SLC44A5: variants seen among roughly 807,000 people sequenced by gnomAD.
SLC44A5 encodes the protein choline transporter-like protein 5.
In SLC44A5, 57 loss-of-function variants were observed where a neutral mutation model predicts 101.8. That is an observed-to-expected ratio of 0.56 (90% CI 0.45 to 0.70). The LOEUF is 0.70. Ranked by LOEUF, SLC44A5 falls within the 30% of genes least tolerant of loss-of-function variation. SLC44A5 has a pLI of 0.00. For synonymous variants in SLC44A5, 281 were observed against 290.9 expected (o/e 0.97, Z 0.35); for missense variants, 737 against 853.1 (o/e 0.86, Z 1.70).
the SLC44A5 span, among the ~76,000 whole-genome samples, chr1:75,684,959 C>T: frequency 6.6e-6 from 1 of 152,238 alleles, no homozygotes; most frequent in Non-Finnish European, 1.5e-5. Flanking sequence ...TCTGCCCCTG[C>T]AGCAAACCTC....
intron 4 of SLC44A5, among the ~76,000 whole-genome samples, chr1:75,333,169 A>T (rs1050008668): frequency 2.6e-5 from 4 of 152,228 alleles, no homozygotes; most frequent in South Asian, 2.1e-4. Context: ...CTATGTCCAT[A>T]GCACTTCCTT....
chr1:75,698,212 A>G, the SLC44A5 span, among the ~76,000 whole-genome samples: 1 of 152,238 alleles, frequency 6.6e-6, no homozygotes, highest in Non-Finnish European at 1.5e-5. Context: ...GCACAGACAA[A>G]CAAAAACACA....
chr1:75,418,353 T>C (rs1375808563), intron 2 of SLC44A5, among the ~76,000 whole-genome samples: 1 of 152,170 alleles, frequency 6.6e-6, no homozygotes, highest in Non-Finnish European at 1.5e-5. Flanking sequence ...AGAAATAAGC[T>C]TACAAAGAAA....
the SLC44A5 span, among the ~76,000 whole-genome samples, chr1:75,664,726 C>T: frequency 2.0e-5 from 3 of 151,910 alleles, no homozygotes; most frequent in Non-Finnish European, 2.9e-5. Flanking sequence ...TCGAGACTAT[C>T]CTGGCTAACG....
chr1:75,389,595 A>G (rs949621182), intron 3 of SLC44A5, among the ~76,000 whole-genome samples: 38 of 152,194 alleles, frequency 2.5e-4, no homozygotes, highest in African/African-American at 8.7e-4. Context: ...TAATGAAATA[A>G]AAAAATTCTT....
At chr1:75,653,104 TA>T in the SLC44A5 span, among the ~76,000 whole-genome samples, 1 of 152,174 alleles carries the variant, frequency 6.6e-6, no homozygotes, top group Non-Finnish European at 1.5e-5. Flanking sequence ...GACAGCTTGT[TA>T]AAGGTTTAAT....
intron 2 of SLC44A5, among the ~76,000 whole-genome samples, chr1:75,483,503 G>A (rs912868528): frequency 8.6e-5 from 13 of 152,012 alleles, no homozygotes; most frequent in Admixed American, 6.5e-5. Context: ...CCAAATGGGG[G>A]CAAAAATGAG....
intron 3 of SLC44A5, among the ~76,000 whole-genome samples, chr1:75,385,926 T>A (rs1443429475): frequency 2.6e-5 from 4 of 152,096 alleles, no homozygotes; most frequent in Admixed American, 2.6e-4. Flanking sequence ...ATAAATGTAA[T>A]CCAGCATATA....
chr1:75,403,928 A>G (rs1662675303), intron 2 of SLC44A5, among the ~76,000 whole-genome samples: 1 of 152,128 alleles, frequency 6.6e-6, no homozygotes, highest in South Asian at 2.1e-4. Flanking sequence ...TTCTAACCCA[A>G]TGCAAGGGAA....
intron 1 of SLC44A5, among the ~76,000 whole-genome samples, chr1:75,550,310 A>C (rs1034782874): frequency 1.3e-5 from 2 of 152,140 alleles, no homozygotes; most frequent in African/African-American, 4.8e-5. Context: ...CCAGAAATAC[A>C]TGATTCCATT....
chr1:75,273,832 A>T, intron 6 of SLC44A5, among the ~76,000 whole-genome samples: 1 of 152,050 alleles, frequency 6.6e-6, no homozygotes, highest in East Asian at 1.9e-4. Context: ...ATTGGTCTGT[A>T]GGTTTCATTT....
At chr1:75,628,763 A>G in the SLC44A5 span, among the ~76,000 whole-genome samples, 1 of 152,208 alleles carries the variant, frequency 6.6e-6, no homozygotes, top group Non-Finnish European at 1.5e-5. Context: ...ACAGTATGGC[A>G]AACCTCTTAA....
At chr1:75,352,717 G>T (rs1374925394) in intron 3 of SLC44A5, among the ~76,000 whole-genome samples, 1 of 152,018 alleles carries the variant, frequency 6.6e-6, no homozygotes, top group African/African-American at 2.4e-5. Flanking sequence ...AAAAAGTTTG[G>T]CATGATCTGA....
Position 75,234,014 on chromosome 1 carries a change from C to G in SLC44A5, c.825G>C (p.Met275Ile), listed in dbSNP as rs1647839132. ...AACCTATAATTCCAATCACACCAAT[C>G]ATGAAGACCCAGAAGAGGCATCCAG... ...FIAGCLFWVF[M>I]IGVIGIIGYG... The change falls in exon 12 of 24, where the codon ATG becomes ATC. Residue 275 changes from methionine (M) to isoleucine (I), a missense_variant. By Grantham distance (10) the Met-to-Ile change is conservative. This residue lies in a region of SLC44A5 where 665 missense variants were observed against 764.4 expected (regional missense o/e 0.87). Transcript: ENST00000370859. 6.2e-7 allele frequency: 1 copy of G among 1,613,054 alleles called. No homozygotes were observed. Among genetic ancestry groups the G allele is most frequent in the Admixed American group, 1.7e-5 (1 of 59,966 alleles).
intron 1 of SLC44A5, among the ~76,000 whole-genome samples, chr1:75,600,980 G>C (rs935396058): frequency 6.6e-6 from 1 of 152,160 alleles, no homozygotes; most frequent in African/African-American, 2.4e-5. Flanking sequence ...GTAAGAATAT[G>C]AGAAACAAAA....
At position 75,323,230 on chromosome 1, in the gene SLC44A5, T is replaced by C. The variant is rs377471727; in HGVS notation, c.101+16352A>G. ...TCTTGCGATAGTTTACTGAGAATGA[T>C]GATTTCCAATTTCATCCATGTCCCT... On this transcript the variant is annotated intron_variant, in intron 4 of 23. Coordinates refer to ENST00000370859, the MANE Select transcript of SLC44A5 (RefSeq NM_001130058.2). 4.0e-5 allele frequency among the ~76,000 whole-genome samples: 6 copies of C among 151,376 alleles called. No homozygotes were observed. The East Asian group carries it at 5.8e-4, about 15-fold the overall frequency.
At chr1:75,462,521 C>T (rs1283205186) in intron 2 of SLC44A5, among the ~76,000 whole-genome samples, 1 of 152,126 alleles carries the variant, frequency 6.6e-6, no homozygotes, top group African/African-American at 2.4e-5. Flanking sequence ...GAAAACACAA[C>T]ATCACCAAAT....
intron 2 of SLC44A5, among the ~76,000 whole-genome samples, chr1:75,413,711 T>C (rs1412468127): frequency 6.6e-6 from 1 of 152,156 alleles, no homozygotes; most frequent in East Asian, 1.9e-4. Context: ...CCACAATAGA[T>C]CTGTTATCCA....
the SLC44A5 span, among the ~76,000 whole-genome samples, chr1:75,702,779 C>A: frequency 1.1e-4 from 16 of 152,084 alleles, no homozygotes; most frequent in Admixed American, 1.0e-3. Flanking sequence ...GGGCTAATAT[C>A]CAGAATCTAC....
Sources: gnomAD v4.1 joint callset for allele counts (sites outside exome capture counted in the v4.1 genomes callset) on GRCh38, gnomAD v4.1.1 for gene constraint, gnomAD v4.1.1 regional missense constraint, MANE v1.5 for transcripts, NCBI Gene and HGNC (gene_info 2026-07-23, HGNC 2026-07-21) for gene names.